TMEM63C: variants seen among roughly 807,000 people sequenced by gnomAD.
TMEM63C encodes osmosensitive cation channel TMEM63C.
A neutral mutation model predicts 99.2 loss-of-function variants in TMEM63C; 32 were observed. The observed-to-expected ratio is 0.32, with a 90% confidence interval of 0.24 to 0.43. The LOEUF is 0.43. TMEM63C is among the 20% of genes least tolerant of loss of function. The pLI, the probability that TMEM63C is intolerant of heterozygous loss-of-function variation, is 1.00. For missense variants in TMEM63C, 826 were observed against 1,053.0 expected (o/e 0.78, Z 2.98); for synonymous variants, 376 against 397.9 (o/e 0.94, Z 0.66).
intron 21 of TMEM63C, among the ~76,000 whole-genome samples, chr14:77,250,738 C>T (rs142849520): frequency 6.6e-6 from 1 of 152,320 alleles, no homozygotes; most frequent in East Asian, 1.9e-4. Context: ...GGTCGACTCT[C>T]AGTCATTTAT....
chr14:77,251,147 C>T (rs17812556), intron 21 of TMEM63C, among the ~76,000 whole-genome samples: 23,654 of 152,186 alleles, frequency 0.16, 2,137 homozygotes, highest in Middle Eastern at 0.26. Context: ...TGCCTTTCAG[C>T]GGTTGCATGA....
chr14:77,200,856 CA>C (rs969478211), intron 1 of TMEM63C, among the ~76,000 whole-genome samples: 1 of 152,158 alleles, frequency 6.6e-6, no homozygotes, highest in African/African-American at 2.4e-5. Flanking sequence ...AAATCTCACT[CA>C]AGGACAATAG....
chr14:77,225,492 C>CTT, intron 6 of TMEM63C, 31 bp downstream of exon 6: 1 of 1,610,312 alleles, frequency 6.2e-7, no homozygotes, highest in South Asian at 1.1e-5. Context: ...AGCTTGTGAC[C>CTT]GTGTTGCCTT....
At chr14:77,248,596 T>A (rs186336675) in intron 19 of TMEM63C, 87 bp downstream of exon 19, 7 of 1,530,560 alleles carry the variant, frequency 4.6e-6, no homozygotes, top group Admixed American at 1.9e-5. Flanking sequence ...ACCAAGGGGG[T>A]TGAGGTGGGA....
At chr14:77,237,806 C>T (rs980246837) in intron 9 of TMEM63C, among the ~76,000 whole-genome samples, 1 of 152,254 alleles carries the variant, frequency 6.6e-6, no homozygotes, top group Non-Finnish European at 1.5e-5. Flanking sequence ...GACCAGCACC[C>T]ATGCTCTGCT....
Position 77,241,237 on chromosome 14 carries a change from C to T in TMEM63C, c.1064+629C>T, listed in dbSNP as rs575759567. 3.0e-4 allele frequency among the ~76,000 whole-genome samples: 45 copies of T among 152,316 alleles called. 1 individual carries two copies. The highest frequency in any genetic ancestry group is 1.1e-3 in the African/African-American group (45 of 41,564). ...AAGTGCTGGGATTACAGGTGTGAGC[C>T]ACTGCGCCCAGCTGACACACACATC... is the stretch of plus-strand genomic sequence containing the variant. On this transcript the variant is annotated intron_variant, in intron 13 of 23. Transcript: ENST00000298351.
intron 5 of TMEM63C, among the ~76,000 whole-genome samples, chr14:77,220,901 C>T (rs113144799): frequency 6.5e-5 from 7 of 108,234 alleles, no homozygotes; most frequent in African/African-American, 1.7e-4. Context: ...CCCACTCACG[C>T]CCCGCCTCCC....
chr14:77,242,520 G>T, intron 14 of TMEM63C, 51 bp downstream of exon 14: 1 of 1,601,148 alleles, frequency 6.2e-7, no homozygotes, highest in Non-Finnish European at 8.5e-7. Flanking sequence ...TGAGACTGAA[G>T]AAGGCAGCAG....
In TMEM63C at chr14:77,197,852, A is replaced by G. The variant is rs191396048; in HGVS notation, c.-76-15594A>G. ...TTGTTGGGAGAGGGTTTCCGCTCTC[A>G]GAGTGGGTGAACTGAGTCCCTAAGG... On this transcript the variant is annotated intron_variant, in intron 1 of 23. Coordinates refer to ENST00000298351, the MANE Select transcript of TMEM63C (RefSeq NM_020431.4). Among the ~76,000 whole-genome samples the G allele has an allele frequency of 4.8e-4, 73 of 152,374 alleles. No homozygotes were observed. The East Asian group carries it at 9.4e-3, about 20-fold the overall frequency.
In TMEM63C at chr14:77,246,982, C is replaced by T. The variant is rs1001662875; in HGVS notation, c.1601+308C>T. Among the ~76,000 whole-genome samples, 4 of 152,194 alleles carry T rather than the reference C, an allele frequency of 2.6e-5. 1 individual carries two copies. The highest frequency in any genetic ancestry group is 2.9e-5 in the Non-Finnish European group (2 of 68,050). ...TATCCAGTTTCCCCCAATGGAAGCA[C>T]TGTGCATAACTATAGTGTAATATCA... is the stretch of plus-strand genomic sequence containing the variant. On this transcript the variant is annotated intron_variant, in intron 18 of 23. Transcript: ENST00000298351.
intron 2 of TMEM63C, among the ~76,000 whole-genome samples, chr14:77,217,331 C>A (rs1344377438): frequency 6.6e-6 from 1 of 152,184 alleles, no homozygotes; most frequent in Non-Finnish European, 1.5e-5. Flanking sequence ...CAAGTCCTTG[C>A]TCAGATGTCA....
intron 1 of TMEM63C, among the ~76,000 whole-genome samples, chr14:77,211,230 G>A (rs1009899476): frequency 6.6e-6 from 1 of 152,220 alleles, no homozygotes; most frequent in Admixed American, 6.5e-5. Context: ...GGCCAGCAAA[G>A]CAGAGGGTTA....
intron 5 of TMEM63C, 47 bp downstream of exon 5, chr14:77,220,134 A>T: frequency 6.6e-7 from 1 of 1,520,420 alleles, no homozygotes; most frequent in Non-Finnish European, 8.9e-7. Context: ...AGCACTGGGC[A>T]GGCAGGCGTG....
At chr14:77,198,814 C>T (rs567598365) in intron 1 of TMEM63C, among the ~76,000 whole-genome samples, 12 of 152,208 alleles carry the variant, frequency 7.9e-5, no homozygotes, top group African/African-American at 2.2e-4. Context: ...CTTGGAGGCT[C>T]GGTGCTGCCA....
At chr14:77,225,082 G>A (rs569120213) in intron 5 of TMEM63C, among the ~76,000 whole-genome samples, 1 of 152,256 alleles carries the variant, frequency 6.6e-6, no homozygotes, top group Non-Finnish European at 1.5e-5. Context: ...TGGACCACAC[G>A]CATCCAGTGA....
chr14:77,225,924 T>C (rs1334956044), intron 6 of TMEM63C, among the ~76,000 whole-genome samples: 2 of 150,164 alleles, frequency 1.3e-5, no homozygotes, highest in Non-Finnish European at 3.0e-5. Context: ...CACCTCACCT[T>C]GTGGGTTTCT....
At chr14:77,210,384 A>T (rs1888475125) in intron 1 of TMEM63C, among the ~76,000 whole-genome samples, 1 of 151,938 alleles carries the variant, frequency 6.6e-6, no homozygotes, top group South Asian at 2.1e-4. Flanking sequence ...TCTGCTGGAG[A>T]CTCAGTTTCT....
At chr14:77,246,953 C>T (rs1406977301) in intron 18 of TMEM63C, among the ~76,000 whole-genome samples, 2 of 152,044 alleles carry the variant, frequency 1.3e-5, no homozygotes, top group Non-Finnish European at 2.9e-5. Context: ...TTCCATGAGC[C>T]CTTTATCCAG....
intron 20 of TMEM63C, 44 bp from the exon 21 acceptor site, chr14:77,249,247 G>T: frequency 6.2e-7 from 1 of 1,605,658 alleles, no homozygotes; most frequent in Non-Finnish European, 8.5e-7. Flanking sequence ...CAAAGGTCCA[G>T]ACTTGAAGGG....
Sources: gnomAD v4.1 joint callset for allele counts (sites outside exome capture counted in the v4.1 genomes callset) on GRCh38, gnomAD v4.1.1 for gene constraint, MANE v1.5 for transcripts, NCBI Gene and HGNC (gene_info 2026-07-23, HGNC 2026-07-21) for gene names.